Variants in PDE3A observed in about 807,000 individuals in gnomAD.
PDE3A encodes the protein cGMP-inhibited 3',5'-cyclic phosphodiesterase 3A.
A neutral mutation model predicts 98.3 loss-of-function variants in PDE3A; 43 were observed. The ratio of observed to expected loss-of-function variants is 0.44; its 90% confidence interval spans 0.34 to 0.56. The LOEUF is 0.56. Ranked by LOEUF, PDE3A falls within the 20% of genes least tolerant of loss-of-function variation. The pLI is 0.01. For missense variants in PDE3A, 1,427 were observed against 1,440.7 expected (o/e 0.99, Z 0.15); for synonymous variants, 663 against 567.9 (o/e 1.17, Z -2.38).
At chr12:20,456,694 C>A (rs1945158375) in intron 1 of PDE3A, among the ~76,000 whole-genome samples, 1 of 152,136 alleles carries the variant, frequency 6.6e-6, no homozygotes, top group Admixed American at 6.6e-5. Flanking sequence ...AGTTGCCAGA[C>A]ATTGCATGGG....
chr12:20,533,478 C>CTTTTT (rs10707682), intron 1 of PDE3A, among the ~76,000 whole-genome samples: 49 of 124,588 alleles, frequency 3.9e-4, no homozygotes, highest in East Asian at 4.6e-4. Flanking sequence ...GTTTCTTTTT[C>CTTTTT]TTTTTTTTTT....
intron 1 of PDE3A, among the ~76,000 whole-genome samples, chr12:20,403,943 A>G (rs932851646): frequency 2.6e-5 from 4 of 152,052 alleles, no homozygotes; most frequent in African/African-American, 9.7e-5. Flanking sequence ...TTCAAACTCT[A>G]TAATTTAGTT....
In PDE3A at chr12:20,688,503, A is replaced by G. The variant is rs1000681915; in HGVS notation, c.*8232A>G. Among the ~76,000 whole-genome samples the G allele has an allele frequency of 1.3e-5, 2 of 151,728 alleles. No homozygotes were observed. The highest frequency in any genetic ancestry group is 2.9e-5 in the Non-Finnish European group (2 of 67,928). On this transcript the variant is annotated 3_prime_UTR_variant, in exon 16 of 16. Coordinates refer to ENST00000359062, the MANE Select transcript of PDE3A (RefSeq NM_000921.5). ...ATATTACAGTAAATATATACTCAAA[A>G]TTATTAAAATTATGTCCTAGATTAT...
intron 9 of PDE3A, among the ~76,000 whole-genome samples, chr12:20,638,697 G>A (rs1352227447): frequency 6.6e-6 from 1 of 152,126 alleles, no homozygotes; most frequent in Non-Finnish European, 1.5e-5. Context: ...CGGTGCCACA[G>A]GATGTGGCAA....
intron 1 of PDE3A, among the ~76,000 whole-genome samples, chr12:20,548,546 TTTATG>T (rs1247944009): frequency 1.3e-5 from 2 of 152,072 alleles, no homozygotes; most frequent in African/African-American, 4.8e-5. Context: ...CCCTCTCTGT[TTTATG>T]TTTCTAGCAA....
At chr12:20,536,049 A>G (rs1941739861) in intron 1 of PDE3A, among the ~76,000 whole-genome samples, 3 of 152,136 alleles carry the variant, frequency 2.0e-5, no homozygotes, top group Non-Finnish European at 4.4e-5. Context: ...CAAAATCTCC[A>G]TTTGGTTCAG....
At position 20,672,952 on chromosome 12, in the gene PDE3A, T is replaced by G. The variant is rs1219318268; in HGVS notation, c.3185-7078T>G. Among the ~76,000 whole-genome samples the G allele has an allele frequency of 2.0e-5, 3 of 150,216 alleles. No homozygotes were observed. The Admixed American group carries it at 2.0e-4, about 10-fold the overall frequency. On this transcript the variant is annotated intron_variant, in intron 15 of 15. Coordinates refer to ENST00000359062, the MANE Select transcript of PDE3A (RefSeq NM_000921.5). ...AGAAAATTTTCACAACCTACTCATC[T>G]GACAAAGGGCTAATATCCAGAATCT... is the stretch of plus-strand genomic sequence containing the variant.
At chr12:20,502,117 T>A (rs927180733) in intron 1 of PDE3A, among the ~76,000 whole-genome samples, 4 of 152,186 alleles carry the variant, frequency 2.6e-5, no homozygotes, top group Non-Finnish European at 5.9e-5. Flanking sequence ...ACCTTAGATG[T>A]ATTTTGTATG....
At chr12:20,511,244 T>C (rs1463388173) in intron 1 of PDE3A, among the ~76,000 whole-genome samples, 6 of 152,072 alleles carry the variant, frequency 3.9e-5, no homozygotes, top group Admixed American at 6.6e-5. Flanking sequence ...TGTTCATTGC[T>C]ACACTCCAGC....
chr12:20,673,424 A>C, intron 15 of PDE3A, among the ~76,000 whole-genome samples: 1 of 143,752 alleles, frequency 7.0e-6, no homozygotes, highest in Non-Finnish European at 1.5e-5. Flanking sequence ...GGCATTATTC[A>C]CAATAGCAAA....
chr12:20,385,616 A>T (rs1027755581), intron 1 of PDE3A, among the ~76,000 whole-genome samples: 1 of 151,882 alleles, frequency 6.6e-6, no homozygotes, highest in East Asian at 1.9e-4. Context: ...GCCATAAAAA[A>T]TGATGAGTTC....
chr12:20,625,415 A>G (rs912292539), intron 5 of PDE3A, among the ~76,000 whole-genome samples: 2 of 152,170 alleles, frequency 1.3e-5, no homozygotes, highest in African/African-American at 4.8e-5. Context: ...GTGATAAGAG[A>G]TATCTCTACA....
chr12:20,402,427 T>C (rs1045751832), intron 1 of PDE3A, among the ~76,000 whole-genome samples: 122 of 151,934 alleles, frequency 8.0e-4, no homozygotes, highest in African/African-American at 2.9e-3. Context: ...GAGATTATAG[T>C]TGTGAGCCAC....
chr12:20,520,782 T>C (rs991166022), intron 1 of PDE3A, among the ~76,000 whole-genome samples: 2 of 152,010 alleles, frequency 1.3e-5, no homozygotes, highest in Non-Finnish European at 2.9e-5. Context: ...GGGGTCAGAG[T>C]CAGGCAAACA....
rs1945755972 is a variant in PDE3A, at chr12:20,680,627, A to G, written c.*356A>G. The stretch of plus-strand genomic sequence containing the variant: ...CGATTGCTGGCTCCACAATTTAGTA[A>G]CATTTATATTAAGATATATATATAG... On this transcript the variant is annotated 3_prime_UTR_variant, in exon 16 of 16. Coordinates refer to ENST00000359062, the MANE Select transcript of PDE3A (RefSeq NM_000921.5). The G allele has an allele frequency of 5.7e-6, 1 of 175,690 alleles. No individual in the cohort carries two copies. The highest frequency in any genetic ancestry group is 1.2e-5 in the Non-Finnish European group (1 of 82,994). The allele number at this position is 175,690 out of a possible 1,614,324, so 10.9% of individuals were successfully genotyped here. A position where few individuals can be genotyped will look rare whatever the true frequency, so the allele number is the denominator to read the frequency against.
intron 10 of PDE3A, among the ~76,000 whole-genome samples, chr12:20,644,126 C>G (rs566936711): frequency 6.6e-6 from 1 of 152,264 alleles, no homozygotes; most frequent in African/African-American, 2.4e-5. Context: ...AAGAAGCTGG[C>G]TTCCAACATA....
intron 1 of PDE3A, among the ~76,000 whole-genome samples, chr12:20,388,461 G>A (rs1368179668): frequency 6.6e-6 from 1 of 151,952 alleles, no homozygotes; most frequent in Non-Finnish European, 1.5e-5. Flanking sequence ...GCTTTTTGGT[G>A]TCTTTTTGTT....
At chr12:20,588,963 C>T (rs557787509) in intron 2 of PDE3A, among the ~76,000 whole-genome samples, 190 of 152,302 alleles carry the variant, frequency 1.2e-3, no homozygotes, top group Non-Finnish European at 2.0e-3. Context: ...CGCTCTGTCG[C>T]CCAGGCTGGA....
chr12:20,533,591 C>T lies in PDE3A; in HGVS notation c.961-23069C>T, dbSNP rs550932084. ...CCGCCTCCCGGGTTCCCGCCATTCT[C>T]CTGCCTCAGCCTCCCGAGTAGCTGG... On this transcript the variant is annotated intron_variant, in intron 1 of 15. Transcript: ENST00000359062. Among the ~76,000 whole-genome samples the T allele has an allele frequency of 4.6e-5, 7 of 151,756 alleles. No homozygotes were observed. The East Asian group carries it at 1.4e-3, about 30-fold the overall frequency.
Sources: gnomAD v4.1 joint callset for allele counts (sites outside exome capture counted in the v4.1 genomes callset) on GRCh38, gnomAD v4.1.1 for gene constraint, MANE v1.5 for transcripts, NCBI Gene and HGNC (gene_info 2026-07-23, HGNC 2026-07-21) for gene names.